PHLPP1: variants seen among roughly 807,000 people sequenced by gnomAD.
PHLPP1 encodes the protein PH domain and leucine rich repeat protein phosphatase 1.
Under a neutral mutation model 117.2 loss-of-function variants are expected in PHLPP1, and 42 were observed. That is an observed-to-expected ratio of 0.36 (90% confidence interval 0.28 to 0.46). The LOEUF is 0.46. Ranked by LOEUF, PHLPP1 falls within the 20% of genes least tolerant of loss-of-function variation. The pLI is 1.00. For missense variants in PHLPP1, 2,084 were observed against 2,241.9 expected (o/e 0.93, Z 1.42); for synonymous variants, 1,042 against 970.7 (o/e 1.07, Z -1.37).
Position 62,914,945 on chromosome 18 carries a change from G to A in PHLPP1, c.2741G>A (p.Cys914Tyr), listed in dbSNP as rs1909222134. The A allele has an allele frequency of 1.2e-6, 2 of 1,613,796 alleles. No individual in the cohort carries two copies. The highest frequency in any genetic ancestry group is 2.2e-5 in the South Asian group (2 of 91,044). Residue 914 changes from cysteine (C) to tyrosine (Y), a missense_variant, in exon 9 of 17, where the codon TGT becomes TAT. Around this residue, in one of 2 missense-constraint regions of PHLPP1, gnomAD observed 1,365 missense variants for 1,605.9 expected, o/e 0.85. Coordinates refer to ENST00000262719, the MANE Select transcript of PHLPP1 (RefSeq NM_194449.4). ...TTAGAAAATGTGCCTGAGTGGGTAT[G>A]TGAAAGCCGAAAGCTAGAAGTTTTG... is the stretch of plus-strand genomic sequence containing the variant. ...NRLENVPEWV[C>Y]ESRKLEVLDI...
At chr18:62,870,903 A>AG (rs1419619772) in intron 4 of PHLPP1, among the ~76,000 whole-genome samples, 3 of 152,228 alleles carry the variant, frequency 2.0e-5, no homozygotes, top group Admixed American at 6.5e-5. Context: ...GAACTCTTCA[A>AG]GTTAGTTTTC....
intron 1 of PHLPP1, among the ~76,000 whole-genome samples, chr18:62,729,627 A>T: frequency 6.6e-6 from 1 of 152,086 alleles, no homozygotes; most frequent in Middle Eastern, 3.2e-3. Flanking sequence ...GTGAGCTGAG[A>T]TCATGCCACT....
chr18:62,905,613 ATTTTATT>A, intron 8 of PHLPP1, among the ~76,000 whole-genome samples: 1 of 152,174 alleles, frequency 6.6e-6, no homozygotes, highest in Middle Eastern at 3.4e-3. Context: ...AGTAATGTTA[ATTTTATT>A]TTTTATTTTC....
chr18:62,852,677 A>G (rs1915389444), intron 3 of PHLPP1, among the ~76,000 whole-genome samples: 1 of 152,158 alleles, frequency 6.6e-6, no homozygotes, highest in Admixed American at 6.5e-5. Context: ...CACAAGCAGA[A>G]TTATTTGTGG....
At chr18:62,940,093 C>A (rs979961375) in intron 10 of PHLPP1, among the ~76,000 whole-genome samples, 2 of 152,024 alleles carry the variant, frequency 1.3e-5, no homozygotes, top group Non-Finnish European at 2.9e-5. Flanking sequence ...CTCTTTCCCA[C>A]CTGCTGCAGC....
chr18:62,838,939 T>C, intron 3 of PHLPP1, 30 bp downstream of exon 3: 2 of 1,612,410 alleles, frequency 1.2e-6, no homozygotes, highest in Non-Finnish European at 1.7e-6. Flanking sequence ...AGGAATCCAC[T>C]CAGCTTCTAG....
intron 1 of PHLPP1, among the ~76,000 whole-genome samples, chr18:62,734,764 C>T (rs925063483): frequency 6.6e-6 from 1 of 152,184 alleles, no homozygotes; most frequent in African/African-American, 2.4e-5. Flanking sequence ...CACCTATTTG[C>T]CCTCTGTGAA....
At chr18:62,770,662 G>A (rs979778631) in intron 1 of PHLPP1, among the ~76,000 whole-genome samples, 3 of 151,982 alleles carry the variant, frequency 2.0e-5, no homozygotes, top group Admixed American at 2.0e-4. Flanking sequence ...TTCATAGTTT[G>A]GATTTCGCTT....
At chr18:62,889,221 G>A (rs1157636708) in intron 4 of PHLPP1, among the ~76,000 whole-genome samples, 1 of 152,162 alleles carries the variant, frequency 6.6e-6, no homozygotes, top group East Asian at 1.9e-4. Flanking sequence ...GAGTTTGGGG[G>A]ATTGGCTGCA....
chr18:62,833,489 T>C (rs1418038293), intron 2 of PHLPP1, among the ~76,000 whole-genome samples: 1 of 152,240 alleles, frequency 6.6e-6, no homozygotes, highest in African/African-American at 2.4e-5. Context: ...GAGTTTCTTC[T>C]ACCTGTGTTC....
At chr18:62,917,544 C>T (rs111226089) in intron 9 of PHLPP1, among the ~76,000 whole-genome samples, 31 of 151,896 alleles carry the variant, frequency 2.0e-4, no homozygotes, top group African/African-American at 6.0e-4. Flanking sequence ...GGCTGGGCAC[C>T]GTGGCTCTTG....
intron 1 of PHLPP1, among the ~76,000 whole-genome samples, chr18:62,723,221 A>G (rs964065375): frequency 1.3e-5 from 2 of 152,232 alleles, no homozygotes; most frequent in African/African-American, 4.8e-5. Flanking sequence ...GGTTGCACAT[A>G]TTGTATGATT....
intron 1 of PHLPP1, among the ~76,000 whole-genome samples, chr18:62,764,181 A>AC (rs1194657266): frequency 0.011 from 1,598 of 145,852 alleles, 31 homozygotes; most frequent in African/African-American, 0.038. Flanking sequence ...AAAAAAAAAA[A>AC]AACAACAACA....
intron 3 of PHLPP1, among the ~76,000 whole-genome samples, chr18:62,849,172 T>C (rs1915258017): frequency 6.6e-6 from 1 of 152,190 alleles, no homozygotes. Context: ...TCTGAGATGC[T>C]TTCTGAGTCA....
Position 62,782,833 on chromosome 18 carries a change from A to G in PHLPP1, c.1577-47202A>G, listed in dbSNP as rs544159130. Among the ~76,000 whole-genome samples, 9 of 152,278 alleles carry G rather than the reference A, an allele frequency of 5.9e-5. No homozygotes were observed. In the South Asian group the frequency reaches 1.7e-3, roughly 28 times the overall value. ...GCATAGCAAAAGGCAGTGCAGTGGT[A>G]ATTTTTGACAGATTAAGATCAGATG... On this transcript the variant is annotated intron_variant, in intron 1 of 16. Coordinates refer to ENST00000262719, the MANE Select transcript of PHLPP1 (RefSeq NM_194449.4).
chr18:62,968,854 C>A (rs1910975468), intron 14 of PHLPP1, among the ~76,000 whole-genome samples: 1 of 152,042 alleles, frequency 6.6e-6, no homozygotes, highest in South Asian at 2.1e-4. Context: ...CTTTTAAAAT[C>A]TGTAGAATCT....
At chr18:62,809,898 C>G (rs1914062476) in intron 1 of PHLPP1, among the ~76,000 whole-genome samples, 1 of 152,124 alleles carries the variant, frequency 6.6e-6, no homozygotes, top group South Asian at 2.1e-4. Context: ...AGTTCACTTT[C>G]CAGTTGGTTT....
chr18:62,794,075 A>G (rs1187618270), intron 1 of PHLPP1, among the ~76,000 whole-genome samples: 1 of 152,198 alleles, frequency 6.6e-6, no homozygotes, highest in East Asian at 1.9e-4. Flanking sequence ...TTGGGAGGTT[A>G]TGTGGCTCTC....
At chr18:62,819,906 C>T (rs1914399642) in intron 1 of PHLPP1, among the ~76,000 whole-genome samples, 1 of 152,184 alleles carries the variant, frequency 6.6e-6, no homozygotes, top group Non-Finnish European at 1.5e-5. Context: ...ACCTTGGCCT[C>T]CCAAGTGCTG....
Sources: allele counts gnomAD v4.1 joint callset (sites outside exome capture counted in the v4.1 genomes callset), GRCh38; gene constraint gnomAD v4.1.1; regional missense constraint gnomAD v4.1.1; transcripts MANE v1.5; gene names NCBI Gene and HGNC (gene_info 2026-07-23, HGNC 2026-07-21).